The following CCBE1 variants were observed in gnomAD, a reference collection of about 807,000 sequenced individuals.
The protein encoded by CCBE1 is collagen and calcium binding EGF domains 1.
CCBE1 carries 37 observed loss-of-function variants against 50.0 expected under a neutral mutation model. The ratio of observed to expected loss-of-function variants is 0.74; its 90% CI spans 0.57 to 0.97. The LOEUF (loss-of-function observed/expected upper bound fraction) is 0.97, where lower values mean the gene tolerates loss of function less well. Among genes scored for constraint, CCBE1 ranks in the 50% least tolerant of loss-of-function variants. CCBE1 has a pLI of 0.00. For missense variants in CCBE1, 538 were observed against 523.8 expected, an observed-to-expected ratio of 1.03 and a Z score of -0.26; for synonymous variants, 234 against 203.7, an observed-to-expected ratio of 1.15 and a Z score of -1.27.
Position 59,431,391 on chromosome 18 carries a change from T to C in CCBE1, c.*4517A>G, listed in dbSNP as rs1436903669. 1 of 152,214 alleles carries C rather than the reference T, an allele frequency of 6.6e-6. No individual in the cohort carries two copies. The highest frequency in any genetic ancestry group is 1.5e-5 in the Non-Finnish European group (1 of 68,036). The allele number at this position is 152,214 out of a possible 1,614,324, so 9.4% of individuals were successfully genotyped here. A position where few individuals can be genotyped will look rare whatever the true frequency, so the allele number is the denominator to read the frequency against. On this transcript the variant is annotated 3_prime_UTR_variant, in exon 11 of 11. Transcript: ENST00000439986. ...TTAGATGGCTCTATTCTACTTGTTG[T>C]TTGGCCTGGATTCCTCCAATAACTT...
At position 59,454,841 on chromosome 18, in the gene CCBE1, C is replaced by T. The variant is rs199573616; in HGVS notation, c.654+10G>A. 4.0e-4 allele frequency: 640 copies of T among 1,611,126 alleles called. 4 individuals carry two copies. Among genetic ancestry groups the T allele is most frequent in the Non-Finnish European group, 5.0e-4 (592 of 1,177,240 alleles). On this transcript the variant is annotated intron_variant, in intron 6 of 10. Transcript: ENST00000439986. ...TCAGGCATCATCGTTCCCACCCCAG[C>T]GGCACGTACCTTTTGCTTCAGCTGC... is the stretch of plus-strand genomic sequence containing the variant.
chr18:59,664,837 T>C (rs2054331292), intron 2 of CCBE1, among the ~76,000 whole-genome samples: 1 of 152,160 alleles, frequency 6.6e-6, no homozygotes, highest in Non-Finnish European at 1.5e-5. Context: ...GCACTATTAA[T>C]AATCACAATT....
intron 2 of CCBE1, among the ~76,000 whole-genome samples, chr18:59,508,330 G>C (rs1032450640): frequency 2.0e-5 from 3 of 150,560 alleles, no homozygotes; most frequent in African/African-American, 7.3e-5. Flanking sequence ...GGGTGTGGTG[G>C]CTCACGCCTG....
intron 4 of CCBE1, among the ~76,000 whole-genome samples, chr18:59,468,254 G>A (rs1000005753): frequency 3.9e-5 from 6 of 152,124 alleles, no homozygotes; most frequent in Non-Finnish European, 7.4e-5. Context: ...GTGTAGTGGC[G>A]CATGCCTGTA....
intron 3 of CCBE1, among the ~76,000 whole-genome samples, chr18:59,473,440 T>G (rs1327875279): frequency 1.3e-5 from 2 of 152,196 alleles, no homozygotes; most frequent in Non-Finnish European, 2.9e-5. Context: ...TAAACCCTTT[T>G]TATAATCTGG....
intron 2 of CCBE1, among the ~76,000 whole-genome samples, chr18:59,564,956 CA>C (rs760231055): frequency 3.0e-4 from 45 of 152,336 alleles, no homozygotes; most frequent in South Asian, 1.0e-3. Context: ...AGCTAAAACC[CA>C]TAAACATGAT....
chr18:59,454,828 G>A (rs184105619), intron 6 of CCBE1, 23 bp downstream of exon 6: 33 of 1,600,532 alleles, frequency 2.1e-5, no homozygotes, highest in African/African-American at 2.7e-5. Flanking sequence ...AGGCATCATC[G>A]TTCCCACCCC....
chr18:59,448,242 G>T, intron 6 of CCBE1, 139 bp from the exon 7 acceptor site: 1 of 1,287,878 alleles, frequency 7.8e-7, no homozygotes, highest in Non-Finnish European at 1.1e-6. Flanking sequence ...AGAGCTCAGA[G>T]AAACTATAAA....
At chr18:59,607,712 C>T (rs1009452589) in intron 2 of CCBE1, among the ~76,000 whole-genome samples, 9 of 152,154 alleles carry the variant, frequency 5.9e-5, no homozygotes, top group Non-Finnish European at 1.0e-4. Flanking sequence ...AGGTTCAAAT[C>T]GGAACCACTT....
chr18:59,645,215 G>A (rs755426729), intron 2 of CCBE1, among the ~76,000 whole-genome samples: 11 of 147,796 alleles, frequency 7.4e-5, no homozygotes, highest in Non-Finnish European at 1.2e-4. Flanking sequence ...GAAACAGAAC[G>A]AGACTCCGTC....
chr18:59,502,904 T>C (rs1913692747), intron 2 of CCBE1, among the ~76,000 whole-genome samples: 2 of 152,154 alleles, frequency 1.3e-5, no homozygotes, highest in Admixed American at 6.5e-5. Context: ...AAAGGATGCA[T>C]ACGTTCTAGA....
intron 2 of CCBE1, among the ~76,000 whole-genome samples, chr18:59,608,276 A>G (rs145717252): frequency 0.01 from 1,568 of 152,358 alleles, 29 homozygotes; most frequent in African/African-American, 0.035. Flanking sequence ...TATTTACACA[A>G]TTCCTTTTCC....
intron 2 of CCBE1, among the ~76,000 whole-genome samples, chr18:59,489,955 T>A (rs12458382): frequency 0.073 from 10,998 of 150,728 alleles, 853 homozygotes; most frequent in East Asian, 0.33. Flanking sequence ...ATGATTATAT[T>A]GTATATGTAT....
At chr18:59,670,014 T>G (rs1216301348) in intron 2 of CCBE1, among the ~76,000 whole-genome samples, 3 of 152,120 alleles carry the variant, frequency 2.0e-5, no homozygotes, top group Admixed American at 2.0e-4. Flanking sequence ...GATGTTTTTC[T>G]CGTGTAAACA....
At chr18:59,464,414 C>T (rs906849369) in intron 5 of CCBE1, among the ~76,000 whole-genome samples, 1 of 152,154 alleles carries the variant, frequency 6.6e-6, no homozygotes, top group African/African-American at 2.4e-5. Context: ...CCAGCCTGGG[C>T]AACAGAGCAA....
chr18:59,632,279 C>A (rs1285219607), intron 2 of CCBE1, among the ~76,000 whole-genome samples: 1 of 152,106 alleles, frequency 6.6e-6, no homozygotes, highest in Non-Finnish European at 1.5e-5. Context: ...TGGGCTGGGA[C>A]CTGACAATTG....
intron 2 of CCBE1, among the ~76,000 whole-genome samples, chr18:59,504,937 T>G (rs557459941): frequency 6.6e-6 from 1 of 152,124 alleles, no homozygotes; most frequent in African/African-American, 2.4e-5. Context: ...GACACTGCCA[T>G]GGGAGGCAAA....
At chr18:59,452,228 T>A (rs1439076979) in intron 6 of CCBE1, among the ~76,000 whole-genome samples, 1 of 152,182 alleles carries the variant, frequency 6.6e-6, no homozygotes, top group African/African-American at 2.4e-5. Context: ...TCTTGGCTAA[T>A]GTTTATTTGG....
At chr18:59,586,895 A>G (rs1230795512) in intron 2 of CCBE1, among the ~76,000 whole-genome samples, 1 of 152,232 alleles carries the variant, frequency 6.6e-6, no homozygotes, top group East Asian at 1.9e-4. Context: ...AAGTACCTTA[A>G]AAACGTTCTT....
Sources: gnomAD v4.1 joint callset for allele counts (sites outside exome capture counted in the v4.1 genomes callset) on GRCh38, gnomAD v4.1.1 for gene constraint, MANE v1.5 for transcripts, NCBI Gene and HGNC (gene_info 2026-07-23, HGNC 2026-07-21) for gene names.